FAM227A: variants seen among roughly 807,000 people sequenced by gnomAD.
FAM227A encodes the protein family with sequence similarity 227 member A.
FAM227A carries 80 observed loss-of-function variants against 74.7 expected under a neutral mutation model. The ratio of observed to expected loss-of-function variants is 1.07; its 90% CI spans 0.89 to 1.29. The LOEUF (loss-of-function observed/expected upper bound fraction) is 1.29. Among genes scored for constraint, FAM227A ranks in the 50% most tolerant of loss-of-function variants. The pLI, the probability that FAM227A is intolerant of heterozygous loss-of-function variation, is 0.00. For missense variants in FAM227A, 654 were observed against 683.4 expected (o/e 0.96, Z 0.48); for synonymous variants, 237 against 241.8 (o/e 0.98, Z 0.19).
chr22:38,633,517 G>A (rs1197821657), intron 6 of FAM227A, among the ~76,000 whole-genome samples: 1 of 152,112 alleles, frequency 6.6e-6, no homozygotes, highest in East Asian at 1.9e-4. Flanking sequence ...GAAAATAGAA[G>A]AAGTAAAAGG....
chr22:38,612,125 T>C (rs868167167), intron 11 of FAM227A, among the ~76,000 whole-genome samples: 1 of 152,178 alleles, frequency 6.6e-6, no homozygotes, highest in South Asian at 2.1e-4. Flanking sequence ...TTTAGACAAA[T>C]ACGGAAGCCT....
intron 14 of FAM227A, 89 bp from the exon 15 acceptor site, chr22:38,597,445 G>A: frequency 7.9e-7 from 1 of 1,272,578 alleles, no homozygotes. Flanking sequence ...ATGGGGAAGA[G>A]GGGCATGGAG....
chr22:38,654,043 A>G (rs2092356817), intron 1 of FAM227A, among the ~76,000 whole-genome samples: 1 of 152,142 alleles, frequency 6.6e-6, no homozygotes, highest in South Asian at 2.1e-4. Context: ...GAGGAGCACA[A>G]GTTAATTAGA....
rs1401163287 is a variant in FAM227A, at chr22:38,582,435, ACTC to A, written c.*3687_*3689del. On this transcript the variant is annotated 3_prime_UTR_variant, in exon 17 of 17. Coordinates refer to ENST00000535113, the MANE Select transcript of FAM227A (RefSeq NM_001013647.2). ...GACAGAATTAGAATATCATACAATT[ACTC>A]ATTTGCTTTATCCCACATTACAGCA... 6.5e-6 allele frequency: 10 copies of A among 1,548,080 alleles called. No homozygotes were observed. Among genetic ancestry groups the A allele is most frequent in the Non-Finnish European group, 8.7e-6 (10 of 1,145,212 alleles).
rs770594327 is a variant in FAM227A, at chr22:38,628,964, A to G, written c.520-29T>C. 1.8e-5 allele frequency: 22 copies of G among 1,236,910 alleles called. 1 individual carries two copies. The South Asian group carries it at 1.9e-4, about 11-fold the overall frequency. 76.6% of individuals were successfully genotyped at this position (1,236,910 alleles called of 1,614,324 possible). A position where few individuals can be genotyped will look rare whatever the true frequency, so the allele number is the denominator to read the frequency against. On this transcript the variant is annotated intron_variant, in intron 6 of 16. Transcript: ENST00000535113. Reference sequence around the variant, plus strand: ...GGAAAAAAAAATTCACAGTATTATTATTGTTGTTATCTTTTTAAAAATCCA... The same window carrying G: ...GGAAAAAAAAATTCACAGTATTATTGTTGTTGTTATCTTTTTAAAAATCCA...
rs1257019563 is a variant in FAM227A at position 38,607,306 on chromosome 22, T to C, written c.1126+83A>G. On this transcript the variant is annotated intron_variant, in intron 12 of 16. Transcript: ENST00000535113. Reference sequence around the variant, plus strand: ...GTATAAAGTAGGTCAGCAAATTCTGTTCATACGAACCCAAGAAACCAGGGT... The same window carrying C: ...GTATAAAGTAGGTCAGCAAATTCTGCTCATACGAACCCAAGAAACCAGGGT... 5.9e-6 allele frequency: 6 copies of C among 1,022,560 alleles called. No homozygotes were observed. In the Admixed American group the frequency reaches 1.4e-4, roughly 24 times the overall value. 63.3% of individuals were successfully genotyped at this position (1,022,560 alleles called of 1,614,324 possible).
In FAM227A at chr22:38,628,085, A is replaced by C. The variant is rs867995736; in HGVS notation, c.726+153T>G. Among the ~76,000 whole-genome samples the C allele has an allele frequency of 3.3e-5, 5 of 152,116 alleles. No homozygotes were observed. The South Asian group carries it at 1.0e-3, about 32-fold the overall frequency. Reference sequence around the variant, plus strand: ...CGATCAGTATAAATAGCTCTACTGTATTTTTGTAACTTCTGCATTGCAAGT... The same window carrying C: ...CGATCAGTATAAATAGCTCTACTGTCTTTTTGTAACTTCTGCATTGCAAGT... On this transcript the variant is annotated intron_variant, in intron 8 of 16. Coordinates refer to ENST00000535113, the MANE Select transcript of FAM227A (RefSeq NM_001013647.2).
At chr22:38,605,432 G>A (rs1368146846) in intron 12 of FAM227A, 84 bp from the exon 13 acceptor site, 3 of 771,890 alleles carry the variant, frequency 3.9e-6, no homozygotes, top group East Asian at 2.7e-5. Flanking sequence ...TGGAATTACA[G>A]GTGTGTGCCA....
chr22:38,586,731 C>T (rs755828228), intron 16 of FAM227A, among the ~76,000 whole-genome samples: 7 of 152,036 alleles, frequency 4.6e-5, no homozygotes, highest in African/African-American at 1.4e-4. Flanking sequence ...TGCAGTGGCG[C>T]GATCTCAGCT....
chr22:38,611,658 T>C (rs554933011), intron 11 of FAM227A, among the ~76,000 whole-genome samples: 42 of 152,204 alleles, frequency 2.8e-4, no homozygotes, highest in African/African-American at 9.6e-4. Context: ...TAGATGGAAA[T>C]GTAGGTCTCC....
chr22:38,631,876 C>T (rs776516753), intron 6 of FAM227A, among the ~76,000 whole-genome samples: 14 of 152,288 alleles, frequency 9.2e-5, no homozygotes, highest in Middle Eastern at 6.8e-3. Context: ...GGGATTAGAA[C>T]TGCAAGGCAG....
Position 38,639,693 on chromosome 22 carries a change from G to C in FAM227A, c.257C>G (p.Ala86Gly), listed in dbSNP as rs1283081056. ...AIERFELEKK[A>G]LREKTRSSPE... ...ACTGCTGCGAGTTTTCTCTCTTAAAGCCTTCTTCTCCAACTCAAATCTCTC... is the reference window on the plus strand; with the variant it reads ...ACTGCTGCGAGTTTTCTCTCTTAAACCCTTCTTCTCCAACTCAAATCTCTC... The change falls in exon 4 of 17, where the codon GCT (alanine) becomes GGT (glycine). Residue 86 changes from alanine (A) to glycine (G), a missense_variant. Ala to Gly is a moderately conservative substitution (Grantham distance 60). Transcript: ENST00000535113. 1 of 1,551,830 alleles carries C rather than the reference G, an allele frequency of 6.4e-7. No homozygotes were observed. Among genetic ancestry groups the C allele is most frequent in the Admixed American group, 2.0e-5 (1 of 50,994 alleles).
chr22:38,635,453 C>T (rs907012792), intron 6 of FAM227A, among the ~76,000 whole-genome samples: 1 of 152,050 alleles, frequency 6.6e-6, no homozygotes, highest in African/African-American at 2.4e-5. Context: ...TGAGGCACAG[C>T]TGTACAGTGG....
chr22:38,603,352 G>A (rs2091216811), intron 13 of FAM227A, among the ~76,000 whole-genome samples: 3 of 151,996 alleles, frequency 2.0e-5, no homozygotes, highest in African/African-American at 4.8e-5. Context: ...GCTGGGCGTG[G>A]TGGCACACAC....
chr22:38,630,397 G>A (rs928340364), intron 6 of FAM227A, among the ~76,000 whole-genome samples: 1 of 152,218 alleles, frequency 6.6e-6, no homozygotes, highest in African/African-American at 2.4e-5. Flanking sequence ...GCACAGACTT[G>A]GGTGCCAGAC....
intron 3 of FAM227A, 72 bp downstream of exon 3, chr22:38,645,491 G>C (rs2092217704): frequency 1.0e-6 from 1 of 969,822 alleles, no homozygotes; most frequent in South Asian, 1.4e-5. Context: ...CCAGGGCACT[G>C]CAACACCTTG....
rs58028591 is a variant in FAM227A, at chr22:38,581,742, GTT to G, written c.*4381_*4382del. On this transcript the variant is annotated 3_prime_UTR_variant, in exon 17 of 17. Transcript: ENST00000535113. ...GCGTTAGCCACCGCACCTGGCTCAG[GTT>G]TTTTTTTTTTTTTTTCCCAGACACA... 1.5e-5 allele frequency: 2 copies of G among 137,308 alleles called. No individual in the cohort carries two copies. Among genetic ancestry groups the G allele is most frequent in the Non-Finnish European group, 3.1e-5 (2 of 64,310 alleles). The allele number at this position is 137,308 out of a possible 1,614,324, so 8.5% of individuals were successfully genotyped here.
Position 38,599,859 on chromosome 22 carries a change from G to A in FAM227A, c.1284C>T (p.Ser428=). Reference sequence around the variant, plus strand: ...TCTGGAGAAAGTACACAATCAGAGGGCTCTTCCCATAAATGTTGAAGAGGT... The same window carrying A: ...TCTGGAGAAAGTACACAATCAGAGGACTCTTCCCATAAATGTTGAAGAGGT... ...TSNLFNIYGK[S]PLIVYFLQNY... Residue 428 remains serine (S), a synonymous_variant, in exon 14 of 17, where the codon AGC becomes AGT. Coordinates refer to ENST00000535113, the MANE Select transcript of FAM227A (RefSeq NM_001013647.2). 1.3e-6 allele frequency: 2 copies of A among 1,551,554 alleles called. No individual in the cohort carries two copies. The highest frequency in any genetic ancestry group is 1.7e-6 in the Non-Finnish European group (2 of 1,146,902).
intron 6 of FAM227A, among the ~76,000 whole-genome samples, chr22:38,631,102 A>G (rs570439507): frequency 3.3e-5 from 5 of 152,266 alleles, no homozygotes; most frequent in African/African-American, 1.2e-4. Context: ...TGGGAGGCGG[A>G]GGTTGCAGTG....
Sources: allele counts gnomAD v4.1 joint callset (sites outside exome capture counted in the v4.1 genomes callset), GRCh38; gene constraint gnomAD v4.1.1; transcripts MANE v1.5; gene names NCBI Gene and HGNC (gene_info 2026-07-23, HGNC 2026-07-21).